The following DIAPH3 variants were observed in gnomAD, a reference collection of about 807,000 sequenced individuals.
DIAPH3 encodes protein diaphanous homolog 3.
DIAPH3 carries 117 observed loss-of-function variants against 144.3 expected under a neutral mutation model. That is an observed-to-expected ratio of 0.81 (90% CI 0.70 to 0.95). DIAPH3 has a LOEUF of 0.95. Among genes scored for constraint, DIAPH3 ranks in the 40% least tolerant of loss-of-function variants. The probability of loss-of-function intolerance (pLI) is 0.00; values close to 1 mark genes in which losing one functional copy is unlikely to be tolerated. For synonymous variants in DIAPH3, 519 were observed against 488.9 expected (o/e 1.06, Z -0.81); for missense variants, 1,421 against 1,412.7 (o/e 1.01, Z -0.09).
At chr13:60,124,595 CT>C (rs1225166969) in intron 2 of DIAPH3, among the ~76,000 whole-genome samples, 1 of 152,026 alleles carries the variant, frequency 6.6e-6, no homozygotes, top group African/African-American at 2.4e-5. Flanking sequence ...TACAATTTCT[CT>C]TTTCCAATTA....
intron 1 of DIAPH3, among the ~76,000 whole-genome samples, chr13:60,139,960 G>C (rs1337224650): frequency 6.6e-6 from 1 of 152,158 alleles, no homozygotes; most frequent in African/African-American, 2.4e-5. Flanking sequence ...TTACAAGTAG[G>C]TTCAGTTCTA....
At chr13:59,847,265 G>C (rs1001808008) in intron 22 of DIAPH3, among the ~76,000 whole-genome samples, 1 of 152,168 alleles carries the variant, frequency 6.6e-6, no homozygotes, top group Non-Finnish European at 1.5e-5. Context: ...TGTATGCAAT[G>C]ATGGTTTAAT....
chr13:60,018,539 T>C (rs992449870), intron 5 of DIAPH3, among the ~76,000 whole-genome samples: 1 of 152,186 alleles, frequency 6.6e-6, no homozygotes, highest in African/African-American at 2.4e-5. Flanking sequence ...CTAGACCCAC[T>C]ATATAACTCT....
intron 14 of DIAPH3, among the ~76,000 whole-genome samples, chr13:59,975,095 C>T (rs573478243): frequency 1.3e-5 from 2 of 151,946 alleles, no homozygotes; most frequent in South Asian, 4.2e-4. Context: ...TATATATCCA[C>T]TCATCACCAG....
chr13:59,924,107 C>A (rs764454902), intron 18 of DIAPH3, among the ~76,000 whole-genome samples: 1 of 152,124 alleles, frequency 6.6e-6, no homozygotes, highest in Non-Finnish European at 1.5e-5. Flanking sequence ...TATATACAGA[C>A]CATAGTATAT....
rs140530679 is a variant in DIAPH3 at position 59,818,270 on chromosome 13, T to C, written c.3028-7347A>G. ...AAATCTTTTAACATAAGGATGTTGA[T>C]GAAAAACACTTTTGTTTCCTGTTTA... On this transcript the variant is annotated intron_variant, in intron 24 of 27. Coordinates refer to ENST00000400324, the MANE Select transcript of DIAPH3 (RefSeq NM_001042517.2). Among the ~76,000 whole-genome samples the C allele has an allele frequency of 9.9e-5, 15 of 152,076 alleles. No individual in the cohort carries two copies. The East Asian group carries it at 2.7e-3, about 27-fold the overall frequency.
intron 4 of DIAPH3, among the ~76,000 whole-genome samples, chr13:60,045,171 T>G (rs2055982846): frequency 1.3e-5 from 2 of 151,918 alleles, no homozygotes; most frequent in Non-Finnish European, 2.9e-5. Context: ...GAGAAACCCA[T>G]CTCTACTAAA....
At chr13:59,982,555 C>A (rs890312945) in intron 13 of DIAPH3, among the ~76,000 whole-genome samples, 2 of 151,424 alleles carry the variant, frequency 1.3e-5, no homozygotes, top group South Asian at 2.1e-4. Flanking sequence ...AGAAACATAA[C>A]CCTGCACAGA....
rs1008206368 is a variant in DIAPH3 at position 60,082,303 on chromosome 13, C to T, written c.495+11325G>A. ...AAGATAAAAAGCATTTGGGAGAAGA[C>T]GGCATATTAAAGATAGACAAAAATC... On this transcript the variant is annotated intron_variant, in intron 4 of 27. Transcript: ENST00000400324. Among the ~76,000 whole-genome samples the T allele has an allele frequency of 3.3e-5, 5 of 149,630 alleles. No individual in the cohort carries two copies. In the South Asian group the frequency reaches 6.4e-4, roughly 19 times the overall value.
At chr13:59,905,535 C>T (rs2046690549) in intron 20 of DIAPH3, among the ~76,000 whole-genome samples, 1 of 152,044 alleles carries the variant, frequency 6.6e-6, no homozygotes, top group South Asian at 2.1e-4. Flanking sequence ...TAGGTAGGCA[C>T]TATTACTGTC....
At chr13:60,017,025 T>C (rs923730848) in intron 5 of DIAPH3, among the ~76,000 whole-genome samples, 3 of 152,222 alleles carry the variant, frequency 2.0e-5, no homozygotes, top group African/African-American at 7.2e-5. Context: ...AAAAGATATA[T>C]GTGTGTATAT....
At chr13:59,670,289 A>G (rs540141859) in intron 27 of DIAPH3, among the ~76,000 whole-genome samples, 1 of 151,418 alleles carries the variant, frequency 6.6e-6, no homozygotes, top group Non-Finnish European at 1.5e-5. Flanking sequence ...GAAGAAATAA[A>G]AAAGAAAAGT....
At chr13:59,988,275 C>G (rs1007614414) in intron 12 of DIAPH3, among the ~76,000 whole-genome samples, 1 of 151,906 alleles carries the variant, frequency 6.6e-6, no homozygotes, top group African/African-American at 2.4e-5. Context: ...ATATTTCTGC[C>G]ATAATAACCA....
intron 3 of DIAPH3, among the ~76,000 whole-genome samples, chr13:60,108,605 C>T (rs1309451386): frequency 2.0e-5 from 3 of 149,182 alleles, no homozygotes; most frequent in African/African-American, 7.4e-5. Flanking sequence ...GACTCCGTCT[C>T]GAAAAAAAAA....
chr13:60,139,555 A>G (rs2059381497), intron 1 of DIAPH3, among the ~76,000 whole-genome samples: 1 of 152,190 alleles, frequency 6.6e-6, no homozygotes, highest in African/African-American at 2.4e-5. Context: ...AGGAGAAGGC[A>G]TCATTCAAGT....
intron 3 of DIAPH3, among the ~76,000 whole-genome samples, chr13:60,107,978 T>C (rs2058465534): frequency 6.6e-6 from 1 of 152,222 alleles, no homozygotes; most frequent in African/African-American, 2.4e-5. Context: ...CTATCTTCCA[T>C]TCATTATTTT....
At chr13:60,088,308 T>C (rs1054558743) in intron 4 of DIAPH3, among the ~76,000 whole-genome samples, 4 of 152,006 alleles carry the variant, frequency 2.6e-5, no homozygotes, top group Admixed American at 2.0e-4. Flanking sequence ...TCTTTAAATA[T>C]CTCTCCAAAT....
chr13:59,805,039 C>CT (rs926738887), intron 25 of DIAPH3, among the ~76,000 whole-genome samples: 1 of 152,056 alleles, frequency 6.6e-6, no homozygotes, highest in African/African-American at 2.4e-5. Context: ...TTTCTAAAAG[C>CT]TAATTATCTC....
chr13:59,984,461 C>A (rs1242355205), intron 12 of DIAPH3, among the ~76,000 whole-genome samples: 1 of 151,670 alleles, frequency 6.6e-6, no homozygotes, highest in African/African-American at 2.4e-5. Flanking sequence ...TTAACTAAAA[C>A]CTCCAAGTAG....
Sources: gnomAD v4.1 joint callset for allele counts (sites outside exome capture counted in the v4.1 genomes callset) on GRCh38, gnomAD v4.1.1 for gene constraint, MANE v1.5 for transcripts, NCBI Gene and HGNC (gene_info 2026-07-23, HGNC 2026-07-21) for gene names.